MAN2B2: variants seen among roughly 807,000 people sequenced by gnomAD.
MAN2B2 encodes the protein mannosidase alpha class 2B member 2.
MAN2B2 carries 106 observed loss-of-function variants against 117.1 expected under a neutral mutation model. The observed-to-expected ratio is 0.90, with a 90% CI of 0.77 to 1.06. The LOEUF (loss-of-function observed/expected upper bound fraction) is 1.06, where lower values mean the gene tolerates loss of function less well. Ranked by LOEUF, MAN2B2 falls within the 50% of genes least tolerant of loss-of-function variation. The pLI, the probability that MAN2B2 is intolerant of heterozygous loss-of-function variation, is 0.00. For missense variants in MAN2B2, 1,326 were observed against 1,381.4 expected (o/e 0.96, Z 0.64); for synonymous variants, 544 against 595.1 (o/e 0.91, Z 1.25).
In MAN2B2 at chr4:6,576,732, G is replaced by C; in HGVS notation, c.285+8G>C. ...GACCAGCAGAAATACCAGGTAATGA[G>C]GTCACCAGGTGACACAGTTGGCCCA... On this transcript the variant is annotated splice_region_variant and intron_variant, in intron 2 of 18. Coordinates refer to ENST00000285599, the MANE Select transcript of MAN2B2 (RefSeq NM_015274.3). The C allele has an allele frequency of 8.1e-6, 13 of 1,613,430 alleles. No individual in the cohort carries two copies. The highest frequency in any genetic ancestry group is 1.1e-5 in the Non-Finnish European group (13 of 1,179,630).
At chr4:6,617,910 C>T (rs57193604) in intron 17 of MAN2B2, 17,941 of 189,442 alleles carry the variant, frequency 0.095, 2,735 homozygotes, top group African/African-American at 0.36. Flanking sequence ...TGCAATGGTG[C>T]GCTCTCAGCT....
At chr4:6,579,463 C>T (rs1284805858) in intron 3 of MAN2B2, among the ~76,000 whole-genome samples, 1 of 147,206 alleles carries the variant, frequency 6.8e-6, no homozygotes, top group Admixed American at 6.7e-5. Flanking sequence ...CCACCCTTCA[C>T]CACCACAATG....
At chr4:6,603,570 TAGG>T (rs746533776) in intron 10 of MAN2B2, among the ~76,000 whole-genome samples, 2 of 152,042 alleles carry the variant, frequency 1.3e-5, no homozygotes, top group African/African-American at 2.4e-5. Flanking sequence ...CAGTATCCGT[TAGG>T]AGTAGATTCC....
chr4:6,601,639 C>T (rs1305991458), intron 10 of MAN2B2, among the ~76,000 whole-genome samples: 2 of 152,222 alleles, frequency 1.3e-5, no homozygotes, highest in Non-Finnish European at 2.9e-5. Flanking sequence ...CTGAAGCCAC[C>T]TATGGGCCTT....
rs556919323 is a variant in MAN2B2 at position 6,621,425 on chromosome 4, T to C, written c.*140T>C. ...TCTGCAGGCTAATGGCAGGAAATGGTCATATTTGGGGTTTTTCCCTAATTT... is the reference window on the plus strand; with the variant it reads ...TCTGCAGGCTAATGGCAGGAAATGGCCATATTTGGGGTTTTTCCCTAATTT... On this transcript the variant is annotated 3_prime_UTR_variant, in exon 19 of 19. Transcript: ENST00000285599. 6.0e-5 allele frequency: 39 copies of C among 651,810 alleles called. No individual in the cohort carries two copies. The South Asian group carries it at 8.3e-4, about 14-fold the overall frequency. 40.4% of individuals were successfully genotyped at this position (651,810 alleles called of 1,614,324 possible).
At chr4:6,605,470 C>T (rs1727508568) in intron 11 of MAN2B2, 141 bp downstream of exon 11, 1 of 996,968 alleles carries the variant, frequency 1.0e-6, no homozygotes, top group Non-Finnish European at 1.4e-6. Flanking sequence ...CTATTGTGAT[C>T]TTTAATTTTA....
Position 6,613,743 on chromosome 4 carries a change from G to A in MAN2B2, c.2564-475G>A, listed in dbSNP as rs538723453. 3.5e-5 allele frequency among the ~76,000 whole-genome samples: 5 copies of A among 144,018 alleles called. No individual in the cohort carries two copies. The East Asian group carries it at 1.1e-3, about 31-fold the overall frequency. 94.5% of individuals were successfully genotyped at this position (144,018 alleles called of 152,430 possible). A position where few individuals can be genotyped will look rare whatever the true frequency, so the allele number is the denominator to read the frequency against. ...GGAAGGGAAGGGAACGGAAGGGAGG[G>A]GACGGGAGGGAAAAGAAAAGAAGAG... On this transcript the variant is annotated intron_variant, in intron 15 of 18. Coordinates refer to ENST00000285599, the MANE Select transcript of MAN2B2 (RefSeq NM_015274.3).
intron 6 of MAN2B2, 98 bp downstream of exon 6, chr4:6,593,448 C>A (rs1466690182): frequency 1.6e-6 from 2 of 1,260,572 alleles, no homozygotes; most frequent in Non-Finnish European, 2.1e-6. Flanking sequence ...CCAGACCCAG[C>A]TAGGCAGCCA....
intron 3 of MAN2B2, among the ~76,000 whole-genome samples, chr4:6,581,385 G>T (rs1182068796): frequency 6.6e-6 from 1 of 152,114 alleles, no homozygotes; most frequent in African/African-American, 2.4e-5. Flanking sequence ...GAGAGATGCG[G>T]GATTTATATA....
chr4:6,616,311 G>T (rs1711870730), intron 16 of MAN2B2, among the ~76,000 whole-genome samples: 1 of 152,178 alleles, frequency 6.6e-6, no homozygotes, highest in Non-Finnish European at 1.5e-5. Flanking sequence ...CAATGGCAAT[G>T]AGCCTTTCTG....
chr4:6,604,147 G>A (rs1449931365), intron 10 of MAN2B2, among the ~76,000 whole-genome samples: 4 of 152,212 alleles, frequency 2.6e-5, no homozygotes, highest in African/African-American at 9.7e-5. Flanking sequence ...GTGTCAGGAA[G>A]GAAGGGTTGG....
rs766870096 is a variant in MAN2B2 at position 6,598,294 on chromosome 4, C to G, written c.1345C>G (p.Leu449Val). ...CTCGGGGATGCTGGGCATGCGCAAG[C>G]TGATGGCCTCCATCGTCCTAGATGA... ...LASGMLGMRK[L>V]MASIVLDELQ... Residue 449 changes from leucine to valine, a missense_variant, in exon 9 of 19, where the codon CTG becomes GTG. Transcript: ENST00000285599. The G allele has an allele frequency of 1.9e-6, 3 of 1,613,610 alleles. No homozygotes were observed. The highest frequency in any genetic ancestry group is 2.5e-6 in the Non-Finnish European group (3 of 1,180,022).
intron 9 of MAN2B2, among the ~76,000 whole-genome samples, chr4:6,600,370 C>T (rs901763474): frequency 6.6e-6 from 1 of 152,204 alleles, no homozygotes; most frequent in Non-Finnish European, 1.5e-5. Context: ...CCTCAGTTCT[C>T]CAGGGCGACA....
intron 3 of MAN2B2, 86 bp downstream of exon 3, chr4:6,578,584 T>TAC: frequency 8.9e-7 from 1 of 1,126,912 alleles, no homozygotes; most frequent in Non-Finnish European, 1.3e-6. Context: ...GGTTCTGAGC[T>TAC]CTGTCTGCCC....
chr4:6,597,000 A>G, intron 7 of MAN2B2, 113 bp from the exon 8 acceptor site: 1 of 1,059,414 alleles, frequency 9.4e-7, no homozygotes, highest in Non-Finnish European at 1.4e-6. Context: ...TCCTTGGGTG[A>G]CCCTGGCAGA....
intron 3 of MAN2B2, among the ~76,000 whole-genome samples, chr4:6,580,559 C>T (rs1335831074): frequency 6.6e-6 from 1 of 152,312 alleles, no homozygotes; most frequent in South Asian, 2.1e-4. Flanking sequence ...CCATTTCACG[C>T]AGTGCTCCCC....
intron 3 of MAN2B2, among the ~76,000 whole-genome samples, chr4:6,579,060 CCATCA>C (rs1726201421): frequency 1.2e-5 from 1 of 82,948 alleles, no homozygotes; most frequent in East Asian, 3.5e-4. Context: ...ATCACCACCA[CCATCA>C]CCATCACCAC....
In MAN2B2 at chr4:6,598,288, C is replaced by T. The variant is rs149169745; in HGVS notation, c.1339C>T (p.Arg447Cys). 8 of 1,613,476 alleles carry T rather than the reference C, an allele frequency of 5.0e-6. No individual in the cohort carries two copies. The highest frequency in any genetic ancestry group is 1.7e-5 in the Admixed American group (1 of 60,016). ...CCTGGCCTCGGGGATGCTGGGCATG[C>T]GCAAGCTGATGGCCTCCATCGTCCT... Reference protein sequence around the residue: ...THLASGMLGMRKLMASIVLDE... With the variant: ...THLASGMLGMCKLMASIVLDE... Residue 447 changes from arginine (R) to cysteine (C), a missense_variant, in exon 9 of 19, where the codon CGC (arginine) becomes TGC (cysteine). By Grantham distance (180) the Arg-to-Cys change is radical (BLOSUM62 -3). Coordinates refer to ENST00000285599, the MANE Select transcript of MAN2B2 (RefSeq NM_015274.3).
intron 2 of MAN2B2, among the ~76,000 whole-genome samples, chr4:6,577,202 G>A (rs756821463): frequency 9.9e-5 from 15 of 152,202 alleles, no homozygotes; most frequent in Non-Finnish European, 1.9e-4. Context: ...GCTGCACAGT[G>A]AGGCAGCCTG....
Sources: allele counts gnomAD v4.1 joint callset (sites outside exome capture counted in the v4.1 genomes callset), GRCh38; gene constraint gnomAD v4.1.1; transcripts MANE v1.5; gene names NCBI Gene and HGNC (gene_info 2026-07-23, HGNC 2026-07-21).